The following OR9Q1 variants were observed in gnomAD, a reference collection of about 807,000 sequenced individuals.
The protein encoded by OR9Q1 is olfactory receptor 9Q1.
For synonymous variants in OR9Q1, 153 were observed against 148.6 expected, an observed-to-expected ratio of 1.03 and a Z score of -0.22; for missense variants, 374 against 378.8, an observed-to-expected ratio of 0.99 and a Z score of 0.11.
intron 1 of OR9Q1, among the ~76,000 whole-genome samples, chr11:58,037,692 T>TATAG (rs1565056527): frequency 5.1e-4 from 3 of 5,834 alleles, no homozygotes; most frequent in African/African-American, 2.4e-3. Flanking sequence ...TATATATATT[T>TATAG]TTTTTTTTTT....
At position 58,150,583 on chromosome 11, in the gene OR9Q1, A is replaced by G. The variant is rs149241930; in HGVS notation, c.-14-28848A>G. Among the ~76,000 whole-genome samples, 17 of 152,320 alleles carry G rather than the reference A, an allele frequency of 1.1e-4. No homozygotes were observed. The East Asian group carries it at 3.3e-3, about 29-fold the overall frequency. ...GGTTATAATGGAGCTGAAAATTTCT[A>G]TCACCTGTGGATATTGTAAACATCC... On this transcript the variant is annotated intron_variant, in intron 2 of 2. Coordinates refer to ENST00000335397, the MANE Select transcript of OR9Q1 (RefSeq NM_001005212.4).
rs529944641 is a variant in OR9Q1, at chr11:58,144,135, G to A, written c.-14-35296G>A. 9.8e-4 allele frequency among the ~76,000 whole-genome samples: 148 copies of A among 151,064 alleles called. 4 individuals are homozygous for A. The highest frequency in any genetic ancestry group is 9.5e-3 in the Admixed American group (144 of 15,172). On this transcript the variant is annotated intron_variant, in intron 2 of 2. Coordinates refer to ENST00000335397, the MANE Select transcript of OR9Q1 (RefSeq NM_001005212.4). ...GTTGGTGTGCTGCAACCATTAACTC[G>A]TCATTTAACATTAGGTATATCTCCT... is the stretch of plus-strand genomic sequence containing the variant.
chr11:58,097,804 A>G (rs1453741884), intron 2 of OR9Q1, among the ~76,000 whole-genome samples: 1 of 152,266 alleles, frequency 6.6e-6, no homozygotes, highest in Admixed American at 6.5e-5. Context: ...TGCATGCAAC[A>G]ACATGGATAA....
chr11:58,031,328 C>A, intron 1 of OR9Q1: 1 of 1,614,110 alleles, frequency 6.2e-7, no homozygotes, highest in South Asian at 1.1e-5. Flanking sequence ...GGCCTATGAT[C>A]GTTATGTGGC....
At chr11:58,069,098 T>C (rs1217004847) in intron 2 of OR9Q1, among the ~76,000 whole-genome samples, 1 of 152,056 alleles carries the variant, frequency 6.6e-6, no homozygotes, top group Non-Finnish European at 1.5e-5. Context: ...CCTGGGGGTG[T>C]CCACTCACAG....
At chr11:58,129,401 G>T (rs1020209727) in intron 2 of OR9Q1, among the ~76,000 whole-genome samples, 4 of 152,118 alleles carry the variant, frequency 2.6e-5, no homozygotes, top group Non-Finnish European at 5.9e-5. Flanking sequence ...AGAATCAAGA[G>T]AAATTGTTTA....
intron 2 of OR9Q1, among the ~76,000 whole-genome samples, chr11:58,177,183 C>T (rs1196179423): frequency 6.6e-6 from 1 of 152,198 alleles, no homozygotes; most frequent in Non-Finnish European, 1.5e-5. Flanking sequence ...AGCTCAAAAG[C>T]CTCTATCAGT....
chr11:58,085,110 A>T lies in OR9Q1; in HGVS notation c.-15+29163A>T, dbSNP rs936686299. On this transcript the variant is annotated intron_variant, in intron 2 of 2. Transcript: ENST00000335397. ...CGTTAAAGCAAATCACCTTGTATTGATTCTCTGATTATTAAGCATAATTAT... is the reference window on the plus strand; with the variant it reads ...CGTTAAAGCAAATCACCTTGTATTGTTTCTCTGATTATTAAGCATAATTAT... Among the ~76,000 whole-genome samples the T allele has an allele frequency of 1.1e-4, 17 of 151,988 alleles. 1 individual carries two copies. Among genetic ancestry groups the T allele is most frequent in the African/African-American group, 3.9e-4 (16 of 41,240 alleles).
At chr11:58,173,589 G>A (rs929275167) in intron 2 of OR9Q1, among the ~76,000 whole-genome samples, 13 of 151,930 alleles carry the variant, frequency 8.6e-5, no homozygotes, top group Admixed American at 4.6e-4. Flanking sequence ...TAGTGTCATG[G>A]TATTTTCTAA....
intron 2 of OR9Q1, among the ~76,000 whole-genome samples, chr11:58,168,615 T>C (rs1193549793): frequency 2.0e-5 from 3 of 152,300 alleles, no homozygotes; most frequent in Middle Eastern, 3.4e-3. Flanking sequence ...AATGCCTCTT[T>C]TTTTTCCCTT....
intron 2 of OR9Q1, among the ~76,000 whole-genome samples, chr11:58,136,888 C>T (rs1199446842): frequency 6.6e-6 from 1 of 152,178 alleles, no homozygotes; most frequent in African/African-American, 2.4e-5. Flanking sequence ...ACTTCAGGAG[C>T]TGGCTGTAGT....
intron 2 of OR9Q1, among the ~76,000 whole-genome samples, chr11:58,059,687 CAAAAAAAAAAA>C (rs58893511): frequency 2.0e-4 from 8 of 40,188 alleles, no homozygotes; most frequent in Admixed American, 5.7e-4. Context: ...GGCTCTGTCT[CAAAAAAAAAAA>C]AAAAAAAAAA....
chr11:58,119,492 A>G, intron 2 of OR9Q1: 1 of 1,228,544 alleles, frequency 8.1e-7, no homozygotes, highest in Non-Finnish European at 1.1e-6. Context: ...AAATAAAAAG[A>G]ATCTCAGAAT....
At chr11:58,029,972 G>T (rs1187292244) in intron 1 of OR9Q1, among the ~76,000 whole-genome samples, 3 of 151,938 alleles carry the variant, frequency 2.0e-5, no homozygotes, top group Non-Finnish European at 4.4e-5. Context: ...CTCTTGAGTA[G>T]CTGGGATTAC....
At chr11:58,144,377 T>C (rs1854279821) in intron 2 of OR9Q1, 1 of 151,988 alleles carries the variant, frequency 6.6e-6, no homozygotes, top group African/African-American at 2.4e-5. Flanking sequence ...ATTAAGAAAA[T>C]GTGGCACATA....
At position 58,066,384 on chromosome 11, in the gene OR9Q1, C is replaced by T. The variant is rs548541982; in HGVS notation, c.-15+10437C>T. 4.6e-5 allele frequency among the ~76,000 whole-genome samples: 7 copies of T among 152,266 alleles called. No individual in the cohort carries two copies. The South Asian group carries it at 1.5e-3, about 32-fold the overall frequency. Reference sequence around the variant, plus strand: ...AGGATAGGACATGTGGATTGTCCTTCTCTGTGGGCCTTTGGCTGGGGGTCC... The same window carrying T: ...AGGATAGGACATGTGGATTGTCCTTTTCTGTGGGCCTTTGGCTGGGGGTCC... On this transcript the variant is annotated intron_variant, in intron 2 of 2. Transcript: ENST00000335397.
intron 1 of OR9Q1, chr11:58,044,173 A>C (rs1035233592): frequency 6.6e-6 from 1 of 152,238 alleles, no homozygotes; most frequent in African/African-American, 2.4e-5. Flanking sequence ...TAGGAAGGTC[A>C]CATTGACATC....
chr11:58,090,976 A>G (rs1179865954), intron 2 of OR9Q1, among the ~76,000 whole-genome samples: 1 of 151,972 alleles, frequency 6.6e-6, no homozygotes, highest in Non-Finnish European at 1.5e-5. Flanking sequence ...TTTCTGTGGG[A>G]TCGGTGGTGA....
chr11:58,029,308 G>C lies in OR9Q1; in HGVS notation c.-93+5204G>C, dbSNP rs1251443394. 2.0e-5 allele frequency among the ~76,000 whole-genome samples: 3 copies of C among 152,248 alleles called. No individual in the cohort carries two copies. The East Asian group carries it at 5.8e-4, about 29-fold the overall frequency. The stretch of plus-strand genomic sequence containing the variant: ...GAGGGACTTAGTTCCTCTCCACCTA[G>C]GCCTTTCCACAGGCTGGATAGGCTT... On this transcript the variant is annotated intron_variant, in intron 1 of 2. Transcript: ENST00000335397.
Sources: allele counts gnomAD v4.1 joint callset (sites outside exome capture counted in the v4.1 genomes callset), GRCh38; gene constraint gnomAD v4.1.1; transcripts MANE v1.5; gene names NCBI Gene and HGNC (gene_info 2026-07-23, HGNC 2026-07-21).